The following IFI44 variants were observed in gnomAD, a reference collection of about 807,000 sequenced individuals.
The protein encoded by IFI44 is interferon induced protein 44.
In IFI44, 42 loss-of-function variants were observed where a neutral mutation model predicts 45.0. The observed-to-expected ratio is 0.93, with a 90% CI of 0.73 to 1.21. The LOEUF is 1.21. Among genes scored for constraint, IFI44 ranks in the 50% most tolerant of loss-of-function variants. The pLI is 0.00. For missense variants in IFI44, 623 were observed against 525.8 expected (o/e 1.18, Z -1.81); for synonymous variants, 221 against 188.6 (o/e 1.17, Z -1.41).
chr1:78,652,092 A>ATT (rs112936337), intron 2 of IFI44, among the ~76,000 whole-genome samples: 3 of 148,468 alleles, frequency 2.0e-5, no homozygotes, highest in African/African-American at 7.4e-5. Flanking sequence ...TGGAATCTGG[A>ATT]TTTTTTTTTT....
chr1:78,660,855 G>C, intron 7 of IFI44: 1 of 555,956 alleles, frequency 1.8e-6, no homozygotes, highest in Non-Finnish European at 3.2e-6. Context: ...CCAGGACTTT[G>C]CATTGTTACC....
Position 78,660,587 on chromosome 1 carries a change from A to G in IFI44, c.1046A>G (p.Asp349Gly). 2.5e-6 allele frequency: 4 copies of G among 1,613,736 alleles called. No homozygotes were observed. The highest frequency in any genetic ancestry group is 3.4e-6 in the Non-Finnish European group (4 of 1,179,754). ...VVHVALLTHV[D>G]SMDLITKGDL... Reference sequence around the variant, plus strand: ...CATGTGGCTTTGCTCACTCATGTGGATAGCATGGATTTGATTACAAAAGGT... The same window carrying G: ...CATGTGGCTTTGCTCACTCATGTGGGTAGCATGGATTTGATTACAAAAGGT... The change falls in exon 7 of 9, where the codon GAT (aspartate) becomes GGT (glycine). Residue 349 changes from aspartate to glycine, a missense_variant. Transcript: ENST00000370747.
In IFI44 at chr1:78,659,361, C is replaced by T. The variant is rs115019211; in HGVS notation, c.890C>T (p.Ser297Phe). The T allele has an allele frequency of 1.4e-5, 22 of 1,613,206 alleles. No homozygotes were observed. The East Asian group carries it at 4.9e-4, about 36-fold the overall frequency. ...TTAAATCATCATGACTACATTGATT[C>T]CCCATCGCTGAAGGACAGAATTCAT... ...IKLNHHDYID[S>F]PSLKDRIHCV... The change falls in exon 6 of 9, where the codon TCC becomes TTC. Residue 297 changes from serine (S) to phenylalanine (F), a missense_variant. Ser to Phe is a radical substitution (Grantham distance 155). Transcript: ENST00000370747.
rs913384653 is a variant in IFI44 at position 78,660,659 on chromosome 1, T to C, written c.1113+5T>C. 1.3e-6 allele frequency: 2 copies of C among 1,562,362 alleles called. No homozygotes were observed. Among genetic ancestry groups the C allele is most frequent in the South Asian group, 2.2e-5 (2 of 90,056 alleles). ...TGTGAGCCTGTGAGGTCCAAGGTAA[T>C]GAATGATGCCCTTCGTAAACACATT... On this transcript the variant is annotated splice_donor_5th_base_variant and intron_variant, in intron 7 of 8. Transcript: ENST00000370747.
intron 2 of IFI44, among the ~76,000 whole-genome samples, chr1:78,653,989 T>A (rs1450606151): frequency 6.6e-6 from 1 of 152,158 alleles, no homozygotes; most frequent in Non-Finnish European, 1.5e-5. Context: ...TGTTGAGTAA[T>A]TGAATGAGAA....
intron 6 of IFI44, 139 bp downstream of exon 6, chr1:78,659,622 A>C: frequency 1.6e-6 from 1 of 608,142 alleles, no homozygotes. Flanking sequence ...AGGATGCTTC[A>C]ATGAAATTGA....
intron 8 of IFI44, 103 bp downstream of exon 8, chr1:78,662,981 T>G: frequency 6.3e-7 from 1 of 1,599,612 alleles, no homozygotes; most frequent in Non-Finnish European, 8.5e-7. Flanking sequence ...TTTTGTGGGT[T>G]GTTGCCCTGT....
chr1:78,651,399 C>T (rs1262002947), intron 2 of IFI44, among the ~76,000 whole-genome samples: 2 of 152,056 alleles, frequency 1.3e-5, no homozygotes, highest in Admixed American at 6.5e-5. Context: ...ATATGGTTTG[C>T]GCTCCTATGA....
intron 2 of IFI44, among the ~76,000 whole-genome samples, chr1:78,652,063 A>G (rs1346616694): frequency 2.0e-5 from 3 of 151,840 alleles, no homozygotes; most frequent in Admixed American, 2.0e-4. Flanking sequence ...AAGGCAGGCA[A>G]GCATGCCCCC....
At chr1:78,662,468 T>C (rs146433864) in intron 7 of IFI44, 95 of 456,008 alleles carry the variant, frequency 2.1e-4, no homozygotes, top group African/African-American at 1.8e-3. Flanking sequence ...GTCATAAAAA[T>C]TTTGTTTCTA....
chr1:78,651,308 G>C (rs778782689), intron 2 of IFI44, among the ~76,000 whole-genome samples: 2 of 152,114 alleles, frequency 1.3e-5, no homozygotes, highest in Non-Finnish European at 2.9e-5. Flanking sequence ...TCCCATCTTG[G>C]GGTGATGGGA....
chr1:78,650,324 A>G lies in IFI44; in HGVS notation c.129A>G (p.Arg43=). Residue 43 remains arginine, a synonymous_variant, in exon 2 of 9, where the codon AGA becomes AGG. Coordinates refer to ENST00000370747, the MANE Select transcript of IFI44 (RefSeq NM_006417.5). ...HGFRNGVLLD[R]CCNQGPTLTV... is the part of the protein sequence containing the mutation. The stretch of plus-strand genomic sequence containing the variant: ...TCCGTAATGGAGTTTTGCTTGACAG[A>G]TGTTGTAATCAAGGGCCTACTCTAA... 1 of 1,614,078 alleles carries G rather than the reference A, an allele frequency of 6.2e-7. No individual in the cohort carries two copies. The highest frequency in any genetic ancestry group is 1.1e-5 in the South Asian group (1 of 91,074).
At chr1:78,659,550 A>G in intron 6 of IFI44, 67 bp downstream of exon 6, 1 of 1,286,802 alleles carries the variant, frequency 7.8e-7, no homozygotes, top group Non-Finnish European at 1.1e-6. Flanking sequence ...GTATTTTAGA[A>G]TGCTTTTTGG....
chr1:78,659,609 A>G, intron 6 of IFI44, 126 bp downstream of exon 6: 1 of 659,906 alleles, frequency 1.5e-6, no homozygotes, highest in Non-Finnish European at 2.5e-6. Flanking sequence ...TCCCTAGCCT[A>G]CCAGGATGCT....
intron 5 of IFI44, among the ~76,000 whole-genome samples, chr1:78,658,973 C>CT (rs1006290131): frequency 1.3e-5 from 2 of 151,916 alleles, no homozygotes; most frequent in African/African-American, 2.4e-5. Flanking sequence ...ATGGTACCAG[C>CT]TTTTTTTTCT....
chr1:78,650,649 G>A lies in IFI44; in HGVS notation c.454G>A (p.Glu152Lys), dbSNP rs777464454. The A allele has an allele frequency of 7.6e-6, 12 of 1,569,196 alleles. No homozygotes were observed. The highest frequency in any genetic ancestry group is 4.5e-5 in the East Asian group (2 of 44,610). Reference sequence around the variant, plus strand: ...TCAGGATTATGAAGTTTTTCGATGCGAAGGTAGGTTTAATTAGATAATCCT... The same window carrying A: ...TCAGGATTATGAAGTTTTTCGATGCAAAGGTAGGTTTAATTAGATAATCCT... ...SIQDYEVFRC[E>K]DSLDERKIKG... The change falls in exon 2 of 9, where the codon GAA becomes AAA. Residue 152 changes from glutamate to lysine, a missense_variant. Physicochemically the swap from Glu to Lys is moderately conservative, Grantham distance 56 (BLOSUM62 1). Coordinates refer to ENST00000370747, the MANE Select transcript of IFI44 (RefSeq NM_006417.5).
At position 78,650,498 on chromosome 1, in the gene IFI44, T is replaced by G. The variant is rs150713684; in HGVS notation, c.303T>G (p.Phe101Leu). Residue 101 changes from phenylalanine (F) to leucine (L), a missense_variant, in exon 2 of 9, where the codon TTT (phenylalanine) becomes TTG (leucine). Coordinates refer to ENST00000370747, the MANE Select transcript of IFI44 (RefSeq NM_006417.5). ...KLGLCTPETL[F>L]CCDVTKYNSP... Reference sequence around the variant, plus strand: ...GACTATGTACACCAGAAACACTGTTTTGTTGTGATGTTACAAAATATAACT... The same window carrying G: ...GACTATGTACACCAGAAACACTGTTGTGTTGTGATGTTACAAAATATAACT... 4 of 1,613,974 alleles carry G rather than the reference T, an allele frequency of 2.5e-6. No homozygotes were observed. The African/African-American group carries it at 5.3e-5, about 22-fold the overall frequency.
chr1:78,650,260 AG>A lies in IFI44; in HGVS notation c.66del (p.Lys22AsnfsTer30). ...EKILQNHFGGKRLSLLYKGSV... is the reference protein window; with the variant it reads ...EKILQNHFGGXRLSLLYKGSV... The stretch of plus-strand genomic sequence containing the variant: ...ATCCTGCAAAATCATTTTGGAGGGA[AG>A]CGGCTTAGCCTTCTCTATAAGGGTA... On this transcript the variant is annotated frameshift_variant, in exon 2 of 9. Transcript: ENST00000370747. LOFTEE classifies it high-confidence loss of function. The A allele has an allele frequency of 6.2e-7, 1 of 1,612,146 alleles. No individual in the cohort carries two copies. The highest frequency in any genetic ancestry group is 8.5e-7 in the Non-Finnish European group (1 of 1,178,428).
chr1:78,656,090 C>T (rs371312267), intron 5 of IFI44, among the ~76,000 whole-genome samples: 23 of 152,070 alleles, frequency 1.5e-4, no homozygotes, highest in Non-Finnish European at 2.6e-4. Flanking sequence ...GGAAGAGGAC[C>T]GTGACTAGAA....
Sources: gnomAD v4.1 joint callset for allele counts (sites outside exome capture counted in the v4.1 genomes callset) on GRCh38, gnomAD v4.1.1 for gene constraint, MANE v1.5 for transcripts, NCBI Gene and HGNC (gene_info 2026-07-23, HGNC 2026-07-21) for gene names.